Variants in LDLRAD4 observed in about 807,000 individuals in gnomAD.
LDLRAD4 encodes the protein low-density lipoprotein receptor class A domain-containing protein 4.
A neutral mutation model predicts 17.0 loss-of-function variants in LDLRAD4; 5 were observed. The ratio of observed to expected loss-of-function variants is 0.29; its 90% CI spans 0.15 to 0.62. The LOEUF (loss-of-function observed/expected upper bound fraction) is 0.62, where lower values mean the gene tolerates loss of function less well. Ranked by LOEUF, LDLRAD4 falls within the 20% of genes least tolerant of loss-of-function variation. The pLI is 0.84. For synonymous variants in LDLRAD4, 168 were observed against 171.8 expected (o/e 0.98, Z 0.17); for missense variants, 340 against 424.7 (o/e 0.80, Z 1.75).
intron 3 of LDLRAD4, among the ~76,000 whole-genome samples, chr18:13,567,520 A>G (rs925357236): frequency 6.6e-6 from 1 of 152,050 alleles, no homozygotes; most frequent in Admixed American, 6.6e-5. Context: ...AAAATTAAAC[A>G]CCCTCAAGCT....
chr18:13,326,357 T>A (rs1353603307), intron 1 of LDLRAD4, among the ~76,000 whole-genome samples: 1 of 152,086 alleles, frequency 6.6e-6, no homozygotes, highest in Non-Finnish European at 1.5e-5. Flanking sequence ...TTACATAAGA[T>A]AAGGTGAATG....
chr18:13,227,638 G>A lies in LDLRAD4; in HGVS notation c.-467+8650G>A, dbSNP rs968442845. ...AGGAAAGAGGTTTAATTGACTCACAGTTCCACGTGGCTGAGGAGGCCTTGG... is the reference window on the plus strand; with the variant it reads ...AGGAAAGAGGTTTAATTGACTCACAATTCCACGTGGCTGAGGAGGCCTTGG... On this transcript the variant is annotated intron_variant, in intron 1 of 5. Transcript: ENST00000399848. Among the ~76,000 whole-genome samples, 3 of 152,360 alleles carry A rather than the reference G, an allele frequency of 2.0e-5. No homozygotes were observed. The East Asian group carries it at 5.8e-4, about 29-fold the overall frequency.
intron 2 of LDLRAD4, among the ~76,000 whole-genome samples, chr18:13,389,031 C>T (rs1201271286): frequency 6.6e-6 from 1 of 152,180 alleles, no homozygotes; most frequent in Non-Finnish European, 1.5e-5. Context: ...CAGCTGTGTA[C>T]ACCTTCCTCC....
intron 1 of LDLRAD4, among the ~76,000 whole-genome samples, chr18:13,226,682 G>C (rs965937464): frequency 6.8e-6 from 1 of 147,708 alleles, no homozygotes; most frequent in Non-Finnish European, 1.5e-5. Context: ...CAGTAGGTGG[G>C]GTAAGACCTT....
At chr18:13,458,144 T>G (rs1275967896) in intron 3 of LDLRAD4, among the ~76,000 whole-genome samples, 4 of 152,110 alleles carry the variant, frequency 2.6e-5, no homozygotes, top group Admixed American at 2.6e-4. Flanking sequence ...GCGCAGGGCC[T>G]GGGCATGGGG....
At chr18:13,272,757 AC>A (rs1277976722) in intron 1 of LDLRAD4, among the ~76,000 whole-genome samples, 1 of 152,136 alleles carries the variant, frequency 6.6e-6, no homozygotes, top group Non-Finnish European at 1.5e-5. Flanking sequence ...AGCCTTGTAG[AC>A]CCAGCTGGGA....
At chr18:13,386,542 G>T (rs1174175523) in intron 1 of LDLRAD4, among the ~76,000 whole-genome samples, 1 of 151,966 alleles carries the variant, frequency 6.6e-6, no homozygotes, top group Non-Finnish European at 1.5e-5. Flanking sequence ...TAATTTTTTT[G>T]TATTTTCAGT....
chr18:13,452,945 C>T (rs907018818), intron 3 of LDLRAD4, among the ~76,000 whole-genome samples: 2 of 151,998 alleles, frequency 1.3e-5, no homozygotes, highest in Admixed American at 6.5e-5. Context: ...AGGGGGACCA[C>T]GGGGGATGCT....
At chr18:13,537,814 AAG>A (rs1476261061) in intron 3 of LDLRAD4, among the ~76,000 whole-genome samples, 4 of 152,150 alleles carry the variant, frequency 2.6e-5, no homozygotes, top group Non-Finnish European at 4.4e-5. Context: ...GTGAGAAAGA[AAG>A]AGAAAAAGGG....
At chr18:13,560,510 T>A in intron 3 of LDLRAD4, among the ~76,000 whole-genome samples, 1 of 152,236 alleles carries the variant, frequency 6.6e-6, no homozygotes, top group East Asian at 1.9e-4. Context: ...CATGGGCTCC[T>A]ATGGATTTGC....
chr18:13,548,207 G>A (rs564716192), intron 3 of LDLRAD4, among the ~76,000 whole-genome samples: 11 of 152,308 alleles, frequency 7.2e-5, no homozygotes, highest in African/African-American at 2.6e-4. Flanking sequence ...AAGGGAGGAA[G>A]TAGATGCTGA....
chr18:13,314,446 C>T (rs1405735685), intron 1 of LDLRAD4, among the ~76,000 whole-genome samples: 1 of 152,138 alleles, frequency 6.6e-6, no homozygotes, highest in Non-Finnish European at 1.5e-5. Context: ...ACAGGCACAC[C>T]TTGGAGATGT....
At chr18:13,295,799 T>G (rs1292933318) in intron 1 of LDLRAD4, among the ~76,000 whole-genome samples, 1 of 152,222 alleles carries the variant, frequency 6.6e-6, no homozygotes, top group Admixed American at 6.5e-5. Context: ...TAAACCATCA[T>G]GTATATATTT....
intron 3 of LDLRAD4, among the ~76,000 whole-genome samples, chr18:13,480,459 C>G (rs1202993384): frequency 6.6e-6 from 1 of 152,164 alleles, no homozygotes; most frequent in African/African-American, 2.4e-5. Context: ...GGCCGTGAGC[C>G]TATTCTGTAT....
chr18:13,465,319 A>G (rs1400463658), intron 3 of LDLRAD4, among the ~76,000 whole-genome samples: 2 of 152,216 alleles, frequency 1.3e-5, no homozygotes, highest in East Asian at 3.8e-4. Context: ...TGAAGGTCAG[A>G]TGGCTGTGTT....
At chr18:13,539,773 T>C (rs2094249644) in intron 3 of LDLRAD4, among the ~76,000 whole-genome samples, 2 of 152,228 alleles carry the variant, frequency 1.3e-5, no homozygotes, top group African/African-American at 4.8e-5. Flanking sequence ...TTAAGCACAT[T>C]CAACAGGTAA....
At chr18:13,358,260 G>T (rs1434375591) in intron 1 of LDLRAD4, among the ~76,000 whole-genome samples, 10 of 152,000 alleles carry the variant, frequency 6.6e-5, no homozygotes. Context: ...ATGTATGTGT[G>T]TGTGTATTTA....
intron 3 of LDLRAD4, among the ~76,000 whole-genome samples, chr18:13,576,390 C>T (rs2094771329): frequency 6.9e-6 from 1 of 145,496 alleles, no homozygotes. Flanking sequence ...CCACTGCACT[C>T]CAGCCTGGGG....
rs71174166 is a variant in LDLRAD4, at chr18:13,226,180, C to CTTTTTTTTTTTTTTTTTTT, written c.-467+7195_-467+7213dup. Among the ~76,000 whole-genome samples the CTTTTTTTTTTTTTTTTTTT allele has an allele frequency of 6.8e-3, 353 of 52,184 alleles. 120 individuals are homozygous for CTTTTTTTTTTTTTTTTTTT. The highest frequency in any genetic ancestry group is 0.053 in the Middle Eastern group (2 of 38). 34.2% of individuals were successfully genotyped at this position (52,184 alleles called of 152,430 possible). ...GGACTACAGATGCTGCCATGCCTTG[C>CTTTTTTTTTTTTTTTTTTT]TTTTTTTTTTTTTTTTTTTTTGTAG... On this transcript the variant is annotated intron_variant, in intron 1 of 5. Transcript: ENST00000399848.
Sources: allele counts gnomAD v4.1 joint callset (sites outside exome capture counted in the v4.1 genomes callset), GRCh38; gene constraint gnomAD v4.1.1; transcripts MANE v1.5; gene names NCBI Gene and HGNC (gene_info 2026-07-23, HGNC 2026-07-21).